The following KLHL1 variants were observed in gnomAD, a reference collection of about 807,000 sequenced individuals.
KLHL1 encodes the protein kelch-like protein 1.
In KLHL1, 47 loss-of-function variants were observed where a neutral mutation model predicts 77.7. That is an observed-to-expected ratio of 0.60 (90% CI 0.48 to 0.77). KLHL1 has a LOEUF of 0.77. Among genes scored for constraint, KLHL1 ranks in the 30% least tolerant of loss-of-function variants. The pLI is 0.00. For missense variants in KLHL1, 925 were observed against 910.8 expected (o/e 1.02, Z -0.20); for synonymous variants, 360 against 325.2 (o/e 1.11, Z -1.15).
intron 1 of KLHL1, among the ~76,000 whole-genome samples, chr13:70,008,364 C>T (rs1885454054): frequency 6.6e-6 from 1 of 151,996 alleles, no homozygotes; most frequent in African/African-American, 2.4e-5. Flanking sequence ...TTCATGCATG[C>T]CTTGGGCCAT....
chr13:70,041,424 A>C (rs1046837737), intron 1 of KLHL1, among the ~76,000 whole-genome samples: 5 of 152,314 alleles, frequency 3.3e-5, no homozygotes, highest in African/African-American at 1.2e-4. Flanking sequence ...TTTTATTTCC[A>C]GATTGGGCTT....
intron 5 of KLHL1, among the ~76,000 whole-genome samples, chr13:69,879,916 G>A (rs764479759): frequency 6.6e-6 from 1 of 152,094 alleles, no homozygotes; most frequent in African/African-American, 2.4e-5. Context: ...AATTAAATGA[G>A]ATAAAATCGT....
intron 7 of KLHL1, among the ~76,000 whole-genome samples, chr13:69,776,156 G>A (rs9572275): frequency 0.21 from 31,450 of 149,756 alleles, 3,594 homozygotes; most frequent in South Asian, 0.31. Context: ...ACTCCGTCTC[G>A]GAAAAAAAAA....
intron 7 of KLHL1, among the ~76,000 whole-genome samples, chr13:69,759,397 CCTGT>C (rs1874912840): frequency 6.6e-6 from 1 of 152,098 alleles, no homozygotes; most frequent in Non-Finnish European, 1.5e-5. Flanking sequence ...ACTGCATAAA[CCTGT>C]CTAACCAGAA....
At chr13:69,905,068 G>C (rs1446140039) in intron 4 of KLHL1, among the ~76,000 whole-genome samples, 1 of 152,052 alleles carries the variant, frequency 6.6e-6, no homozygotes, top group Non-Finnish European at 1.5e-5. Flanking sequence ...AATTCAATTT[G>C]CTTCCTACCT....
chr13:69,936,892 A>C, intron 4 of KLHL1, among the ~76,000 whole-genome samples: 1 of 152,122 alleles, frequency 6.6e-6, no homozygotes, highest in Non-Finnish European at 1.5e-5. Context: ...CAGTGGGGTA[A>C]ATAGCTTTGA....
At chr13:69,725,266 A>G (rs1873244674) in intron 8 of KLHL1, among the ~76,000 whole-genome samples, 1 of 152,188 alleles carries the variant, frequency 6.6e-6, no homozygotes. Context: ...AATATGGAGT[A>G]ATGCTAAAAT....
At chr13:70,031,841 T>G (rs900178493) in intron 1 of KLHL1, among the ~76,000 whole-genome samples, 4 of 152,200 alleles carry the variant, frequency 2.6e-5, no homozygotes, top group African/African-American at 9.7e-5. Context: ...ATGGTTGTTC[T>G]GACTCCATCT....
At chr13:69,793,821 C>A (rs1876979302) in intron 7 of KLHL1, among the ~76,000 whole-genome samples, 1 of 152,110 alleles carries the variant, frequency 6.6e-6, no homozygotes, top group Admixed American at 6.6e-5. Context: ...AGCCTGACAT[C>A]ATTTGTGACG....
intron 7 of KLHL1, among the ~76,000 whole-genome samples, chr13:69,773,863 C>CTATATATATATATATATA (rs72007331): frequency 8.2e-5 from 12 of 145,966 alleles, no homozygotes; most frequent in African/African-American, 2.5e-4. Flanking sequence ...AAGTCCTTGG[C>CTATATATATATATATATA]TATATATATA....
intron 1 of KLHL1, among the ~76,000 whole-genome samples, chr13:69,983,754 C>T (rs61267522): frequency 0.15 from 22,920 of 151,652 alleles, 3,703 homozygotes; most frequent in African/African-American, 0.41. Flanking sequence ...GGTGACACAG[C>T]AAGCCCCTAT....
Position 69,940,101 on chromosome 13 carries a change from C to T in KLHL1, c.953G>A (p.Arg318Gln). ...LLHPSNCLGI[R>Q]AFADAQGCIE... Reference sequence around the variant, plus strand: ...GCATCCTTGAGCATCTGCGAAGGCTCGAATTCCTAAACAGTTAGATGGATG... The same window carrying T: ...GCATCCTTGAGCATCTGCGAAGGCTTGAATTCCTAAACAGTTAGATGGATG... The change falls in exon 4 of 11, where the codon CGA becomes CAA. Residue 318 changes from arginine to glutamine, a missense_variant. Transcript: ENST00000377844. 2.5e-6 allele frequency: 4 copies of T among 1,612,936 alleles called. No individual in the cohort carries two copies. Among genetic ancestry groups the T allele is most frequent in the South Asian group, 1.1e-5 (1 of 90,954 alleles).
intron 1 of KLHL1, among the ~76,000 whole-genome samples, chr13:70,094,611 C>T (rs560323398): frequency 6.6e-6 from 1 of 152,186 alleles, no homozygotes; most frequent in South Asian, 2.1e-4. Flanking sequence ...CACCACATTG[C>T]ATACCTCCAA....
At chr13:70,028,867 C>T (rs1886020514) in intron 1 of KLHL1, among the ~76,000 whole-genome samples, 1 of 151,784 alleles carries the variant, frequency 6.6e-6, no homozygotes, top group East Asian at 1.9e-4. Context: ...GGCTCAACTA[C>T]TTACAAGATT....
chr13:69,906,510 G>A (rs1442569309), intron 4 of KLHL1, among the ~76,000 whole-genome samples: 1 of 151,866 alleles, frequency 6.6e-6, no homozygotes, highest in Non-Finnish European at 1.5e-5. Context: ...GATATATTGA[G>A]TGTTTTCTTT....
rs202093327 is a variant in KLHL1, at chr13:70,018,669, GA to G, written c.498-42868del. On this transcript the variant is annotated intron_variant, in intron 1 of 10. Transcript: ENST00000377844. ...AAAACGTGGAGTTAAAGGCACATGT[GA>G]ATAATCCAAAGAGATGTTTCCAAAA... 7.8e-3 allele frequency among the ~76,000 whole-genome samples: 1,184 copies of G among 152,238 alleles called. 15 individuals carry two copies. The highest frequency in any genetic ancestry group is 0.027 in the African/African-American group (1,115 of 41,528).
chr13:69,895,394 A>C (rs533554833), intron 4 of KLHL1, among the ~76,000 whole-genome samples: 1 of 152,282 alleles, frequency 6.6e-6, no homozygotes, highest in Non-Finnish European at 1.5e-5. Flanking sequence ...TGCCACTGTC[A>C]TGGTGCGTCT....
chr13:69,786,190 C>CACAG (rs1359481562), intron 7 of KLHL1, among the ~76,000 whole-genome samples: 1 of 152,154 alleles, frequency 6.6e-6, no homozygotes, highest in African/African-American at 2.4e-5. Context: ...CAAAGCCTGG[C>CACAG]ACAGACACAA....
chr13:69,986,021 G>T (rs547937453), intron 1 of KLHL1, among the ~76,000 whole-genome samples: 8 of 150,894 alleles, frequency 5.3e-5, no homozygotes, highest in Non-Finnish European at 8.9e-5. Flanking sequence ...GTATTCCATT[G>T]TGTGGAATAC....
Sources: gnomAD v4.1 joint callset for allele counts (sites outside exome capture counted in the v4.1 genomes callset) on GRCh38, gnomAD v4.1.1 for gene constraint, MANE v1.5 for transcripts, NCBI Gene and HGNC (gene_info 2026-07-23, HGNC 2026-07-21) for gene names.